Variants in RNF217 observed in about 807,000 individuals in gnomAD.
RNF217 encodes the protein E3 ubiquitin-protein ligase RNF217.
In RNF217, 31 loss-of-function variants were observed where a neutral mutation model predicts 57.8. The ratio of observed to expected loss-of-function variants is 0.54; its 90% CI spans 0.40 to 0.72. The LOEUF is 0.72. Among genes scored for constraint, RNF217 ranks in the 30% least tolerant of loss-of-function variants. The pLI is 0.00. For missense variants in RNF217, 696 were observed against 708.3 expected (o/e 0.98, Z 0.20); for synonymous variants, 313 against 294.0 (o/e 1.06, Z -0.66).
intron 1 of RNF217, among the ~76,000 whole-genome samples, chr6:124,982,026 CAAAA>C (rs373182508): frequency 6.9e-5 from 4 of 58,368 alleles, no homozygotes; most frequent in Admixed American, 2.0e-4. Context: ...GACTCTGTCT[CAAAA>C]AAAAAAAAAA....
chr6:125,005,558 G>A (rs1464615950), intron 1 of RNF217, among the ~76,000 whole-genome samples: 1 of 152,160 alleles, frequency 6.6e-6, no homozygotes, highest in Non-Finnish European at 1.5e-5. Flanking sequence ...CATCACTGAA[G>A]CTTCCTATAA....
intron 1 of RNF217, among the ~76,000 whole-genome samples, chr6:125,026,457 C>T (rs985901624): frequency 6.6e-6 from 1 of 152,074 alleles, no homozygotes; most frequent in Non-Finnish European, 1.5e-5. Context: ...TCATCATCAT[C>T]GTCATCATTA....
At chr6:125,066,858 C>T (rs1233813022) in intron 3 of RNF217, among the ~76,000 whole-genome samples, 1 of 152,082 alleles carries the variant, frequency 6.6e-6, no homozygotes, top group African/African-American at 2.4e-5. Context: ...TTTCATTCTA[C>T]CTTATATGGA....
chr6:125,068,718 G>A (rs1024256846), intron 3 of RNF217, among the ~76,000 whole-genome samples: 5 of 152,158 alleles, frequency 3.3e-5, no homozygotes, highest in African/African-American at 1.2e-4. Context: ...AATGAACAAA[G>A]TAATTATTTG....
chr6:125,016,244 T>G (rs1785597693), intron 1 of RNF217, among the ~76,000 whole-genome samples: 1 of 152,106 alleles, frequency 6.6e-6, no homozygotes, highest in African/African-American at 2.4e-5. Flanking sequence ...CTCAAAAAAT[T>G]AAACACCTAA....
At chr6:125,045,798 G>A (rs1167964523) in intron 2 of RNF217, among the ~76,000 whole-genome samples, 1 of 151,844 alleles carries the variant, frequency 6.6e-6, no homozygotes, top group African/African-American at 2.4e-5. Flanking sequence ...TGGTCCCAAT[G>A]TAAGTCTCCT....
At chr6:125,073,719 G>A (rs1488746841) in intron 3 of RNF217, among the ~76,000 whole-genome samples, 1 of 152,048 alleles carries the variant, frequency 6.6e-6, no homozygotes, top group African/African-American at 2.4e-5. Context: ...TTGCCCATAT[G>A]AAGAAGTAAG....
intron 3 of RNF217, among the ~76,000 whole-genome samples, chr6:125,065,830 C>T (rs1169130972): frequency 6.6e-6 from 1 of 152,118 alleles, no homozygotes; most frequent in Non-Finnish European, 1.5e-5. Context: ...TTGGCTCAGT[C>T]GGTAGGCAAA....
At chr6:125,000,511 T>A (rs1784934672) in intron 1 of RNF217, among the ~76,000 whole-genome samples, 1 of 151,912 alleles carries the variant, frequency 6.6e-6, no homozygotes, top group African/African-American at 2.4e-5. Flanking sequence ...AAAGAAAAAA[T>A]TATTATTTTT....
At chr6:125,068,893 G>A (rs182958318) in intron 3 of RNF217, among the ~76,000 whole-genome samples, 8 of 152,096 alleles carry the variant, frequency 5.3e-5, no homozygotes, top group African/African-American at 1.9e-4. Context: ...GGGCCAGGTG[G>A]AATGAAAGGA....
chr6:125,057,895 C>A, intron 2 of RNF217, 47 bp from the exon 3 acceptor site: 2 of 1,485,778 alleles, frequency 1.3e-6, no homozygotes, highest in Non-Finnish European at 1.8e-6. Context: ...CTTTTAGACA[C>A]TTTCAGTATA....
chr6:125,077,201 G>A (rs1002281911), intron 4 of RNF217, among the ~76,000 whole-genome samples: 3 of 152,032 alleles, frequency 2.0e-5, no homozygotes, highest in South Asian at 4.2e-4. Flanking sequence ...CCAGCAGCAG[G>A]TCGTACACAT....
intron 1 of RNF217, among the ~76,000 whole-genome samples, chr6:125,032,200 T>C (rs946188381): frequency 3.3e-5 from 5 of 152,062 alleles, no homozygotes; most frequent in African/African-American, 1.2e-4. Flanking sequence ...CCAAACCATA[T>C]CAGCTGCTTT....
At chr6:125,008,979 C>T in intron 1 of RNF217, 1 of 261,538 alleles carries the variant, frequency 3.8e-6, no homozygotes. Flanking sequence ...ATGTGTTTCC[C>T]CTGGTTTAAT....
chr6:125,017,004 G>A lies in RNF217; in HGVS notation c.883-28207G>A, dbSNP rs190097414. ...TGGTGTATTTTCCATGGGATACTAC[G>A]TAGCCATGAAAAGGAATGGTTTCCT... On this transcript the variant is annotated intron_variant, in intron 1 of 5. Coordinates refer to ENST00000521654, the MANE Select transcript of RNF217 (RefSeq NM_001286398.3). Among the ~76,000 whole-genome samples the A allele has an allele frequency of 1.2e-3, 181 of 152,256 alleles. 1 individual carries two copies. The highest frequency in any genetic ancestry group is 7.6e-4 in the Non-Finnish European group (52 of 68,016).
intron 1 of RNF217, among the ~76,000 whole-genome samples, chr6:124,978,332 G>A (rs971743957): frequency 3.0e-4 from 46 of 151,756 alleles, no homozygotes; most frequent in African/African-American, 1.7e-4. Context: ...GCTGCATTCC[G>A]CTTGTGCCCC....
intron 1 of RNF217, among the ~76,000 whole-genome samples, chr6:125,036,750 A>C (rs1422794724): frequency 6.6e-6 from 1 of 152,094 alleles, no homozygotes; most frequent in Non-Finnish European, 1.5e-5. Flanking sequence ...GCAGCTAACA[A>C]ACATGAAAAA....
intron 1 of RNF217, among the ~76,000 whole-genome samples, chr6:124,986,148 A>G (rs962739074): frequency 9.2e-5 from 14 of 152,224 alleles, no homozygotes; most frequent in Admixed American, 3.3e-4. Context: ...GCATTCCTCA[A>G]TTACCCTTCC....
intron 1 of RNF217, among the ~76,000 whole-genome samples, chr6:124,991,078 A>G (rs1489127536): frequency 6.6e-6 from 1 of 152,138 alleles, no homozygotes; most frequent in Non-Finnish European, 1.5e-5. Context: ...TTAAAAATGT[A>G]AGACCTGACA....
Sources: allele counts gnomAD v4.1 joint callset (sites outside exome capture counted in the v4.1 genomes callset), GRCh38; gene constraint gnomAD v4.1.1; transcripts MANE v1.5; gene names NCBI Gene and HGNC (gene_info 2026-07-23, HGNC 2026-07-21).